SUPT3H: variants seen among roughly 807,000 people sequenced by gnomAD.
SUPT3H encodes the protein transcription initiation protein SPT3 homolog.
SUPT3H carries 44 observed loss-of-function variants against 44.3 expected under a neutral mutation model. The ratio of observed to expected loss-of-function variants is 0.99; its 90% CI spans 0.78 to 1.28. The LOEUF (loss-of-function observed/expected upper bound fraction) is 1.28, where lower values mean the gene tolerates loss of function less well. Among genes scored for constraint, SUPT3H ranks in the 50% most tolerant of loss-of-function variants. The pLI, the probability that SUPT3H is intolerant of heterozygous loss-of-function variation, is 0.00. For synonymous variants in SUPT3H, 124 were observed against 125.6 expected (o/e 0.99, Z 0.09); for missense variants, 380 against 387.1 (o/e 0.98, Z 0.15).
intron 3 of SUPT3H, among the ~76,000 whole-genome samples, chr6:45,086,820 C>A (rs1796528321): frequency 6.6e-6 from 1 of 151,644 alleles, no homozygotes; most frequent in South Asian, 2.1e-4. Context: ...AAATCTATTT[C>A]CATAATTATT....
At chr6:44,862,489 C>T (rs1390791816) in intron 10 of SUPT3H, among the ~76,000 whole-genome samples, 1 of 151,604 alleles carries the variant, frequency 6.6e-6, no homozygotes, top group East Asian at 1.9e-4. Context: ...CCAGCCTGGC[C>T]AACATGGTGA....
intron 2 of SUPT3H, among the ~76,000 whole-genome samples, chr6:45,286,868 T>C (rs1779377944): frequency 6.6e-6 from 1 of 152,076 alleles, no homozygotes; most frequent in Admixed American, 6.5e-5. Context: ...ATAGACTGGA[T>C]TAAGAAAATG....
intron 2 of SUPT3H, among the ~76,000 whole-genome samples, chr6:45,237,394 C>G (rs982566823): frequency 3.9e-5 from 6 of 152,134 alleles, no homozygotes; most frequent in Non-Finnish European, 8.8e-5. Flanking sequence ...GAATATTCAA[C>G]CAATTATAAC....
chr6:45,106,117 G>T, intron 2 of SUPT3H, 111 bp from the exon 3 acceptor site: 3 of 918,990 alleles, frequency 3.3e-6, no homozygotes, highest in Non-Finnish European at 3.4e-6. Flanking sequence ...TAAATTGTTT[G>T]CCCAAATGTC....
intron 10 of SUPT3H, among the ~76,000 whole-genome samples, chr6:44,911,641 T>C (rs1767065161): frequency 6.6e-6 from 1 of 152,222 alleles, no homozygotes; most frequent in South Asian, 2.1e-4. Context: ...TTAAAGAAGG[T>C]ATTCACAATT....
chr6:44,863,383 C>T (rs924015043), intron 10 of SUPT3H, among the ~76,000 whole-genome samples: 1 of 152,116 alleles, frequency 6.6e-6, no homozygotes, highest in Non-Finnish European at 1.5e-5. Flanking sequence ...GAAAAAGCAA[C>T]GGTGAGTTCT....
chr6:45,178,940 C>G (rs886955806), intron 2 of SUPT3H, among the ~76,000 whole-genome samples: 89 of 151,818 alleles, frequency 5.9e-4, no homozygotes, highest in African/African-American at 2.0e-3. Context: ...ATTTATAGCA[C>G]TAAATGCCCA....
intron 3 of SUPT3H, among the ~76,000 whole-genome samples, chr6:45,052,112 G>C (rs1350805053): frequency 1.3e-5 from 2 of 152,162 alleles, no homozygotes; most frequent in Non-Finnish European, 2.9e-5. Flanking sequence ...GTATTTGGCA[G>C]TATTGTCTGA....
chr6:44,940,063 T>G (rs539829206), intron 9 of SUPT3H, among the ~76,000 whole-genome samples: 4 of 152,102 alleles, frequency 2.6e-5, no homozygotes, highest in African/African-American at 9.6e-5. Context: ...GCTGCTCAGG[T>G]CTTTGTTATT....
intron 2 of SUPT3H, among the ~76,000 whole-genome samples, chr6:45,286,128 A>C (rs1259447496): frequency 6.6e-6 from 1 of 151,810 alleles, no homozygotes; most frequent in Non-Finnish European, 1.5e-5. Context: ...TGTTAGCCCT[A>C]AAACCATAAA....
chr6:45,012,472 T>C (rs1273226812), intron 5 of SUPT3H, among the ~76,000 whole-genome samples: 1 of 152,092 alleles, frequency 6.6e-6, no homozygotes, highest in Non-Finnish European at 1.5e-5. Context: ...TCAGTAATTG[T>C]ATTCTTGAAC....
intron 6 of SUPT3H, among the ~76,000 whole-genome samples, chr6:44,963,792 G>A (rs534225828): frequency 8.0e-4 from 121 of 152,180 alleles, no homozygotes; most frequent in Non-Finnish European, 1.3e-3. Flanking sequence ...GAGGTCAGGA[G>A]ATTGAGACCA....
intron 2 of SUPT3H, among the ~76,000 whole-genome samples, chr6:45,234,081 A>G (rs1218532447): frequency 6.6e-6 from 1 of 152,052 alleles, no homozygotes; most frequent in Non-Finnish European, 1.5e-5. Flanking sequence ...TATTAGAAGT[A>G]CTCTCTTTCT....
intron 9 of SUPT3H, among the ~76,000 whole-genome samples, chr6:44,937,647 T>C (rs1214446817): frequency 1.3e-5 from 2 of 152,226 alleles, no homozygotes; most frequent in African/African-American, 2.4e-5. Flanking sequence ...TGATATCTCA[T>C]TGTGGTTTTA....
At chr6:45,176,215 C>A (rs1043184620) in intron 2 of SUPT3H, among the ~76,000 whole-genome samples, 1 of 151,460 alleles carries the variant, frequency 6.6e-6, no homozygotes, top group African/African-American at 2.4e-5. Flanking sequence ...TCAGTGGGTG[C>A]GCGCACCGTG....
chr6:44,944,595 C>CAA (rs541595114), intron 9 of SUPT3H, among the ~76,000 whole-genome samples: 1 of 147,600 alleles, frequency 6.8e-6, no homozygotes, highest in African/African-American at 2.5e-5. Flanking sequence ...CCTGTCTCTA[C>CAA]AAAAAAAAAT....
downstream of SUPT3H, among the ~76,000 whole-genome samples, chr6:44,825,391 G>C (rs996844074): frequency 3.3e-5 from 5 of 152,172 alleles, no homozygotes; most frequent in African/African-American, 1.2e-4. Flanking sequence ...TTCAAGGTCA[G>C]GCAGCAATTC....
intron 10 of SUPT3H, among the ~76,000 whole-genome samples, chr6:44,856,118 C>A (rs1773678922): frequency 6.6e-6 from 1 of 152,164 alleles, no homozygotes; most frequent in Non-Finnish European, 1.5e-5. Context: ...CCATGGTTTG[C>A]TGAATAAGAA....
At chr6:45,090,106 C>G (rs1309562789) in intron 3 of SUPT3H, among the ~76,000 whole-genome samples, 1 of 152,046 alleles carries the variant, frequency 6.6e-6, no homozygotes, top group Non-Finnish European at 1.5e-5. Context: ...AAAAGCTCTG[C>G]AATATAGCTG....
Sources: gnomAD v4.1 joint callset for allele counts (sites outside exome capture counted in the v4.1 genomes callset) on GRCh38, gnomAD v4.1.1 for gene constraint, MANE v1.5 for transcripts, NCBI Gene and HGNC (gene_info 2026-07-23, HGNC 2026-07-21) for gene names.